Variants in MYO3A observed in about 807,000 individuals in gnomAD.
MYO3A encodes the protein myosin IIIA.
A neutral mutation model predicts 192.7 loss-of-function variants in MYO3A; 180 were observed. The observed-to-expected ratio is 0.93, with a 90% CI of 0.83 to 1.06. The LOEUF (loss-of-function observed/expected upper bound fraction) is 1.06, where lower values mean the gene tolerates loss of function less well. Ranked by LOEUF, MYO3A falls within the 50% of genes least tolerant of loss-of-function variation. The probability of loss-of-function intolerance (pLI) is 0.00; values close to 1 mark genes in which losing one functional copy is unlikely to be tolerated. For missense variants in MYO3A, 1,896 were observed against 1,905.0 expected (o/e 1.00, Z 0.09); for synonymous variants, 628 against 645.3 (o/e 0.97, Z 0.41).
chr10:26,124,834 T>C (rs1001489221), intron 18 of MYO3A, among the ~76,000 whole-genome samples: 2 of 152,208 alleles, frequency 1.3e-5, no homozygotes, highest in African/African-American at 4.8e-5. Context: ...CAAAATTTAG[T>C]AATTGAAGTA....
chr10:26,040,666 T>C (rs957644053), intron 10 of MYO3A, among the ~76,000 whole-genome samples: 2 of 152,046 alleles, frequency 1.3e-5, no homozygotes, highest in African/African-American at 4.8e-5. Context: ...TTGGGGTAAA[T>C]GGGAAAAGCG....
intron 2 of MYO3A, among the ~76,000 whole-genome samples, chr10:25,942,959 A>G (rs1473214294): frequency 6.6e-6 from 1 of 151,682 alleles, no homozygotes; most frequent in Non-Finnish European, 1.5e-5. Context: ...ACCAAGTCCA[A>G]TTTATGTATT....
intron 34 of MYO3A, among the ~76,000 whole-genome samples, chr10:26,205,043 C>T (rs1313343807): frequency 6.6e-6 from 1 of 152,178 alleles, no homozygotes; most frequent in Non-Finnish European, 1.5e-5. Context: ...TGTGTATATA[C>T]ACACACCAAG....
chr10:26,173,956 A>G lies in MYO3A; in HGVS notation c.3692A>G (p.Glu1231Gly), dbSNP rs2132036533. ...LEENSNLRKVEKEEAMIQSYY... is the reference protein window; with the variant it reads ...LEENSNLRKVGKEEAMIQSYY... ...GAGAACAGCAATCTAAGGAAAGTGG[A>G]GAAAGAGGAAGCTATGATCCAGAGT... The change falls in exon 30 of 35, where the codon GAG becomes GGG. Residue 1231 changes from glutamate to glycine, a missense_variant. Coordinates refer to ENST00000642920, the MANE Select transcript of MYO3A (RefSeq NM_017433.5). 6.2e-7 allele frequency: 1 copy of G among 1,608,402 alleles called. No homozygotes were observed.
intron 14 of MYO3A, among the ~76,000 whole-genome samples, chr10:26,079,903 G>A: frequency 6.6e-6 from 1 of 152,178 alleles, no homozygotes; most frequent in Non-Finnish European, 1.5e-5. Context: ...TAATCTGTAT[G>A]CTTTCCCTTT....
chr10:25,989,911 G>A (rs918310526), intron 4 of MYO3A, among the ~76,000 whole-genome samples: 2 of 152,170 alleles, frequency 1.3e-5, no homozygotes, highest in African/African-American at 4.8e-5. Context: ...GCCGTGGGAT[G>A]TGTGACAAGG....
intron 10 of MYO3A, among the ~76,000 whole-genome samples, chr10:26,045,373 GATAGATAGATAGATAGATAGA>G (rs1843581339): frequency 1.5e-5 from 1 of 67,504 alleles, no homozygotes; most frequent in African/African-American, 4.6e-5. Context: ...GCATTAGATA[GATAGATAGATAGATAGATAGA>G]TAGATAGATA....
chr10:26,183,671 T>C (rs1468685030), intron 31 of MYO3A, among the ~76,000 whole-genome samples: 1 of 152,140 alleles, frequency 6.6e-6, no homozygotes, highest in Admixed American at 6.5e-5. Context: ...AAGCTATCCC[T>C]GGGGCATCGG....
chr10:26,185,823 CAG>C (rs1319242078), intron 31 of MYO3A, among the ~76,000 whole-genome samples: 2 of 152,048 alleles, frequency 1.3e-5, no homozygotes, highest in African/African-American at 2.4e-5. Context: ...ATATATATAA[CAG>C]AGATTTTCAT....
intron 4 of MYO3A, among the ~76,000 whole-genome samples, chr10:25,965,224 C>G (rs1233369977): frequency 2.0e-5 from 3 of 152,168 alleles, no homozygotes; most frequent in African/African-American, 4.8e-5. Context: ...CTCTTTAAGG[C>G]CAATAACTCT....
At chr10:26,168,226 C>T (rs1841860324) in intron 27 of MYO3A, among the ~76,000 whole-genome samples, 1 of 152,096 alleles carries the variant, frequency 6.6e-6, no homozygotes, top group African/African-American at 2.4e-5. Context: ...TCTCTGTATC[C>T]CCAGCAGATA....
chr10:25,934,689 G>T (rs1041078238), intron 1 of MYO3A, among the ~76,000 whole-genome samples: 4 of 151,696 alleles, frequency 2.6e-5, no homozygotes, highest in African/African-American at 7.3e-5. Context: ...GGAGGGAACG[G>T]GAAGGGTGAA....
chr10:26,177,709 C>T (rs1842401963), intron 31 of MYO3A, among the ~76,000 whole-genome samples: 2 of 152,180 alleles, frequency 1.3e-5, no homozygotes, highest in African/African-American at 2.4e-5. Context: ...GGAGGCCCTC[C>T]GCAATCTCAC....
At position 26,157,630 on chromosome 10, in the gene MYO3A, G is replaced by T. The variant is rs1841223186; in HGVS notation, c.2999+115G>T. 3.6e-6 allele frequency: 4 copies of T among 1,106,490 alleles called. No individual in the cohort carries two copies. The African/African-American group carries it at 6.3e-5, about 17-fold the overall frequency. 68.5% of individuals were successfully genotyped at this position (1,106,490 alleles called of 1,614,324 possible). ...TAGAGGTCTAGGAGGGAGGCATTTT[G>T]TTCATGCAAATGATTATGTGTTGAA... On this transcript the variant is annotated intron_variant, in intron 26 of 34. Coordinates refer to ENST00000642920, the MANE Select transcript of MYO3A (RefSeq NM_017433.5).
intron 4 of MYO3A, among the ~76,000 whole-genome samples, chr10:25,971,156 T>C (rs1588680565): frequency 6.6e-6 from 1 of 152,126 alleles, no homozygotes; most frequent in Non-Finnish European, 1.5e-5. Flanking sequence ...TATTTAATTA[T>C]AGTTTGTTAT....
chr10:26,080,354 G>A (rs945665226), intron 14 of MYO3A, among the ~76,000 whole-genome samples: 3 of 152,118 alleles, frequency 2.0e-5, no homozygotes, highest in East Asian at 1.9e-4. Flanking sequence ...CTCTAAAAGT[G>A]TATCCAAAGT....
chr10:26,170,536 C>T lies in MYO3A; in HGVS notation c.3395C>T (p.Thr1132Ile), dbSNP rs1245438346. The change falls in exon 29 of 35, where the codon ACA becomes ATA. Residue 1132 changes from threonine (T) to isoleucine (I), a missense_variant. By Grantham distance (89) the Thr-to-Ile change is moderately conservative. Coordinates refer to ENST00000642920, the MANE Select transcript of MYO3A (RefSeq NM_017433.5). ...GACTACAAGAAAAACTTTGAAAATA[C>T]AAGGTATAATGATGTTCATTCTTAT... ...EFDYKKNFEN[T>I]RESFVKKQAE... The T allele has an allele frequency of 2.5e-6, 4 of 1,609,890 alleles. No individual in the cohort carries two copies. In the South Asian group the frequency reaches 3.3e-5, roughly 13 times the overall value.
At chr10:26,120,527 C>G (rs1838790261) in intron 17 of MYO3A, 149 bp from the exon 18 acceptor site, 2 of 1,000,482 alleles carry the variant, frequency 2.0e-6, no homozygotes, top group African/African-American at 1.6e-5. Flanking sequence ...TGAGGCTGAG[C>G]CTACTTGGAT....
intron 31 of MYO3A, among the ~76,000 whole-genome samples, chr10:26,184,906 T>G (rs1279414329): frequency 2.0e-5 from 3 of 152,210 alleles, no homozygotes; most frequent in African/African-American, 7.2e-5. Context: ...TAGAGAGTGT[T>G]TATATTTTTC....
Sources: gnomAD v4.1 joint callset for allele counts (sites outside exome capture counted in the v4.1 genomes callset) on GRCh38, gnomAD v4.1.1 for gene constraint, MANE v1.5 for transcripts, NCBI Gene and HGNC (gene_info 2026-07-23, HGNC 2026-07-21) for gene names.